PDSS2: variants seen among roughly 807,000 people sequenced by gnomAD.
PDSS2 encodes the protein all trans-polyprenyl-diphosphate synthase PDSS2.
Under a neutral mutation model 44.5 loss-of-function variants are expected in PDSS2, and 31 were observed. The observed-to-expected ratio is 0.70, with a 90% CI of 0.52 to 0.94. PDSS2 has a LOEUF of 0.94. Among genes scored for constraint, PDSS2 ranks in the 40% least tolerant of loss-of-function variants. PDSS2 has a pLI of 0.00. For missense variants in PDSS2, 452 were observed against 482.2 expected, an observed-to-expected ratio of 0.94 and a Z score of 0.59; for synonymous variants, 157 against 180.3, an observed-to-expected ratio of 0.87 and a Z score of 1.03.
intron 2 of PDSS2, among the ~76,000 whole-genome samples, chr6:107,278,325 T>TTATA (rs938854415): frequency 1.3e-5 from 2 of 152,158 alleles, no homozygotes; most frequent in South Asian, 4.1e-4. Flanking sequence ...GAATGGAGAC[T>TTATA]TATAAGACAG....
chr6:107,194,851 T>C (rs1772498827), intron 6 of PDSS2, among the ~76,000 whole-genome samples: 1 of 151,982 alleles, frequency 6.6e-6, no homozygotes, highest in Non-Finnish European at 1.5e-5. Flanking sequence ...CTCAGAAGGC[T>C]GAGGAGACAA....
chr6:107,347,756 C>T (rs1778299269), intron 1 of PDSS2, among the ~76,000 whole-genome samples: 1 of 152,056 alleles, frequency 6.6e-6, no homozygotes, highest in Non-Finnish European at 1.5e-5. Context: ...TAAAGTAAGA[C>T]AAGATATCTG....
chr6:107,314,024 G>A (rs1777128350), intron 2 of PDSS2, among the ~76,000 whole-genome samples: 1 of 152,082 alleles, frequency 6.6e-6, no homozygotes, highest in Non-Finnish European at 1.5e-5. Context: ...CTACTAGGGA[G>A]GCTGGGGTAG....
At chr6:107,230,687 T>TCACTATG (rs1562394009) in intron 4 of PDSS2, among the ~76,000 whole-genome samples, 3 of 151,538 alleles carry the variant, frequency 2.0e-5, no homozygotes, top group South Asian at 4.2e-4. Flanking sequence ...GTTTTTCTCA[T>TCACTATG]AGTGATGAGA....
intron 2 of PDSS2, among the ~76,000 whole-genome samples, chr6:107,309,026 C>T (rs1193166461): frequency 6.6e-6 from 1 of 152,160 alleles, no homozygotes; most frequent in African/African-American, 2.4e-5. Context: ...ATCTTCTAGC[C>T]ACAGCCCCAA....
At chr6:107,426,188 G>A (rs1254663890) in intron 1 of PDSS2, among the ~76,000 whole-genome samples, 1 of 152,134 alleles carries the variant, frequency 6.6e-6, no homozygotes, top group Non-Finnish European at 1.5e-5. Flanking sequence ...GTAGTCTAGG[G>A]ACTTGGTCCC....
At chr6:107,446,353 C>T (rs910451950) in intron 1 of PDSS2, among the ~76,000 whole-genome samples, 28 of 151,964 alleles carry the variant, frequency 1.8e-4, no homozygotes, top group African/African-American at 6.8e-4. Context: ...CAGACAAACA[C>T]AAAGTTGCAG....
chr6:107,156,275 A>C (rs1770893097), intron 7 of PDSS2, among the ~76,000 whole-genome samples: 1 of 148,986 alleles, frequency 6.7e-6, no homozygotes, highest in Non-Finnish European at 1.5e-5. Flanking sequence ...GCTCACTGCA[A>C]GCTCTGCCTT....
chr6:107,355,276 G>A (rs554588382), intron 1 of PDSS2, among the ~76,000 whole-genome samples: 22 of 152,206 alleles, frequency 1.4e-4, no homozygotes, highest in African/African-American at 3.4e-4. Flanking sequence ...TTCATTGTGT[G>A]TAACAATCCA....
At chr6:107,160,224 A>G (rs948033617) in intron 7 of PDSS2, among the ~76,000 whole-genome samples, 14 of 152,186 alleles carry the variant, frequency 9.2e-5, no homozygotes, top group African/African-American at 3.4e-4. Flanking sequence ...TCAAAAAACA[A>G]ACAAAACAAA....
At chr6:107,402,451 C>CTCATATATATACGTATATATATGTAT (rs1780139758) in intron 1 of PDSS2, among the ~76,000 whole-genome samples, 1 of 8,120 alleles carries the variant, frequency 1.2e-4, no homozygotes, top group Non-Finnish European at 2.6e-4. Flanking sequence ...CACACACACA[C>CTCATATATATACGTATATATATGTAT]ACATATATAT....
At chr6:107,336,292 C>T (rs1037551457) in intron 1 of PDSS2, among the ~76,000 whole-genome samples, 3 of 151,292 alleles carry the variant, frequency 2.0e-5, no homozygotes, top group East Asian at 3.9e-4. Flanking sequence ...ATCTTTGCCC[C>T]TCCAGTCTCC....
Position 107,163,600 on chromosome 6 carries a change from CT to C in PDSS2, c.1042-8824del, listed in dbSNP as rs1174942612. Among the ~76,000 whole-genome samples the C allele has an allele frequency of 1.4e-3, 203 of 144,884 alleles. 1 individual carries two copies. The highest frequency in any genetic ancestry group is 2.2e-3 in the South Asian group (10 of 4,536). ...CTATCTTGAAAAGAATGATCTTGTT[CT>C]TTTTTTTTTTTTCTTTTTTGAGACG... is the stretch of plus-strand genomic sequence containing the variant. On this transcript the variant is annotated intron_variant, in intron 7 of 7. Transcript: ENST00000369037.
At chr6:107,386,426 G>C (rs1297997667) in intron 1 of PDSS2, among the ~76,000 whole-genome samples, 1 of 150,530 alleles carries the variant, frequency 6.6e-6, no homozygotes, top group Admixed American at 6.6e-5. Context: ...ATATTTAAGT[G>C]TTATCTGAAC....
At chr6:107,360,469 A>T (rs1428076087) in intron 1 of PDSS2, among the ~76,000 whole-genome samples, 2 of 152,204 alleles carry the variant, frequency 1.3e-5, no homozygotes, top group Admixed American at 1.3e-4. Context: ...TTGGCTTGGG[A>T]TCAAATTTAA....
At chr6:107,440,430 G>C (rs1430454623) in intron 1 of PDSS2, among the ~76,000 whole-genome samples, 1 of 152,172 alleles carries the variant, frequency 6.6e-6, no homozygotes, top group Non-Finnish European at 1.5e-5. Flanking sequence ...CTCACACAAT[G>C]GTGAAATAGC....
intron 7 of PDSS2, among the ~76,000 whole-genome samples, chr6:107,159,642 T>A (rs1211912415): frequency 1.3e-5 from 2 of 151,500 alleles, no homozygotes; most frequent in African/African-American, 4.8e-5. Flanking sequence ...ATGGTCTTGA[T>A]CTCCTGACCT....
At chr6:107,353,663 C>T (rs1438077701) in intron 1 of PDSS2, among the ~76,000 whole-genome samples, 1 of 151,984 alleles carries the variant, frequency 6.6e-6, no homozygotes, top group African/African-American at 2.4e-5. Flanking sequence ...GGTGGCACCC[C>T]TCAATATGAT....
At chr6:107,409,272 C>T (rs1228468006) in intron 1 of PDSS2, among the ~76,000 whole-genome samples, 1 of 152,096 alleles carries the variant, frequency 6.6e-6, no homozygotes, top group Non-Finnish European at 1.5e-5. Context: ...ATCTTGGATC[C>T]CATCCTCTTG....
Sources: allele counts gnomAD v4.1 joint callset (sites outside exome capture counted in the v4.1 genomes callset), GRCh38; gene constraint gnomAD v4.1.1; transcripts MANE v1.5; gene names NCBI Gene and HGNC (gene_info 2026-07-23, HGNC 2026-07-21).